The following ITCH variants were observed in gnomAD, a reference collection of about 807,000 sequenced individuals.
ITCH encodes the protein itchy E3 ubiquitin protein ligase, also known as E3 ubiquitin-protein ligase Itchy homolog.
Under a neutral mutation model 126.8 loss-of-function variants are expected in ITCH, and 28 were observed. That is an observed-to-expected ratio of 0.22 (90% CI 0.16 to 0.30). ITCH has a LOEUF of 0.30. Among genes scored for constraint, ITCH ranks in the 10% least tolerant of loss-of-function variants. The pLI is 1.00. For synonymous variants in ITCH, 342 were observed against 340.0 expected (o/e 1.01, Z -0.06); for missense variants, 631 against 1,032.4 (o/e 0.61, Z 5.33).
At position 34,456,184 on chromosome 20, in the gene ITCH, GTATATATATA is replaced by G. The variant is rs1326551793; in HGVS notation, c.1211-1184_1211-1175del. Among the ~76,000 whole-genome samples, 184 of 47,222 alleles carry G rather than the reference GTATATATATA, an allele frequency of 3.9e-3. 3 individuals carry two copies. Among genetic ancestry groups the G allele is most frequent in the African/African-American group, 0.023 (176 of 7,720 alleles). 31.0% of individuals were successfully genotyped at this position (47,222 alleles called of 152,430 possible). ...TGTGTGTGTGTGTGTGTGTGTGTGT[GTATATATATA>G]TATATATATATATATATATATTTTT... On this transcript the variant is annotated intron_variant, in intron 12 of 24. Coordinates refer to ENST00000374864, the MANE Select transcript of ITCH (RefSeq NM_031483.7).
At chr20:34,487,645 A>G (rs913576546) in intron 20 of ITCH, among the ~76,000 whole-genome samples, 1 of 152,148 alleles carries the variant, frequency 6.6e-6, no homozygotes, top group Admixed American at 6.5e-5. Context: ...TGTACAATAT[A>G]AGAAGCTCAT....
At chr20:34,433,872 C>G (rs1195501742) in intron 7 of ITCH, among the ~76,000 whole-genome samples, 1 of 151,892 alleles carries the variant, frequency 6.6e-6, no homozygotes, top group Non-Finnish European at 1.5e-5. Context: ...GAAGGACTGA[C>G]AAGAGATAGT....
intron 7 of ITCH, among the ~76,000 whole-genome samples, chr20:34,429,427 CA>C (rs1392160253): frequency 6.6e-6 from 1 of 152,154 alleles, no homozygotes; most frequent in Non-Finnish European, 1.5e-5. Flanking sequence ...CCCTGCTTCT[CA>C]AACTTTAGAG....
chr20:34,417,073 C>T, intron 6 of ITCH: 2 of 607,602 alleles, frequency 3.3e-6, no homozygotes, highest in Non-Finnish European at 6.1e-6. Context: ...CCACACCTGG[C>T]TAATTTTAAT....
At chr20:34,374,635 AT>A (rs2037764522) in intron 2 of ITCH, among the ~76,000 whole-genome samples, 1 of 152,160 alleles carries the variant, frequency 6.6e-6, no homozygotes, top group Non-Finnish European at 1.5e-5. Flanking sequence ...CTGGATGAAC[AT>A]TTAGTAAGTA....
chr20:34,370,336 C>T (rs569049829), intron 2 of ITCH, among the ~76,000 whole-genome samples: 52 of 152,064 alleles, frequency 3.4e-4, no homozygotes, highest in African/African-American at 1.1e-3. Flanking sequence ...CCTATTAAAT[C>T]TTTAGAAAAG....
At chr20:34,377,396 A>G (rs1273959160) in intron 2 of ITCH, among the ~76,000 whole-genome samples, 2 of 151,808 alleles carry the variant, frequency 1.3e-5, no homozygotes, top group Admixed American at 6.6e-5. Flanking sequence ...CCACCAAAGT[A>G]GTGTAATTGC....
At chr20:34,485,806 C>G (rs1989064528) in intron 20 of ITCH, among the ~76,000 whole-genome samples, 1 of 152,178 alleles carries the variant, frequency 6.6e-6, no homozygotes, top group Non-Finnish European at 1.5e-5. Context: ...CCTCATCCTT[C>G]TGAGTAGCTG....
intron 7 of ITCH, among the ~76,000 whole-genome samples, chr20:34,431,717 A>G (rs186130875): frequency 6.6e-4 from 100 of 152,312 alleles, no homozygotes; most frequent in South Asian, 8.3e-4. Flanking sequence ...GCACTGTCAC[A>G]GAAATTAAGA....
At chr20:34,478,249 C>A (rs1303381422) in intron 17 of ITCH, among the ~76,000 whole-genome samples, 2 of 152,168 alleles carry the variant, frequency 1.3e-5, no homozygotes, top group African/African-American at 4.8e-5. Flanking sequence ...ACAGAAAACA[C>A]AAGGCCTTAT....
intron 7 of ITCH, among the ~76,000 whole-genome samples, chr20:34,437,168 A>G (rs984352387): frequency 2.0e-5 from 3 of 152,006 alleles, no homozygotes; most frequent in Admixed American, 6.6e-5. Context: ...GTGAGGAGAG[A>G]GAGATGTTAA....
chr20:34,416,258 C>T (rs1214404771), intron 6 of ITCH, among the ~76,000 whole-genome samples: 3 of 152,044 alleles, frequency 2.0e-5, no homozygotes, highest in Non-Finnish European at 4.4e-5. Flanking sequence ...ATTAGCTGGG[C>T]GTGGTGGCGC....
chr20:34,364,225 AT>A (rs1339133762), intron 1 of ITCH, among the ~76,000 whole-genome samples: 1 of 152,184 alleles, frequency 6.6e-6, no homozygotes, highest in Non-Finnish European at 1.5e-5. Context: ...GGAATTCATT[AT>A]CCCCAATAAC....
intron 1 of ITCH, among the ~76,000 whole-genome samples, chr20:34,367,281 G>A (rs1054227527): frequency 5.3e-5 from 8 of 152,112 alleles, no homozygotes; most frequent in South Asian, 2.1e-4. Flanking sequence ...GGGTTCAAGC[G>A]ATTCGTGTGC....
At position 34,477,654 on chromosome 20, in the gene ITCH, C is replaced by G. The variant is rs1056300361; in HGVS notation, c.1570-118C>G. ...TGTGGTTTTGACTAGACCATGAACA[C>G]CTTTCTGTGTCATGGGAGATTTCAG... On this transcript the variant is annotated intron_variant, in intron 16 of 24. Transcript: ENST00000374864. 2.5e-5 allele frequency: 21 copies of G among 836,902 alleles called. No individual in the cohort carries two copies. In the African/African-American group the frequency reaches 2.7e-4, roughly 11 times the overall value. 51.8% of individuals were successfully genotyped at this position (836,902 alleles called of 1,614,324 possible).
At chr20:34,421,445 G>A (rs1244996785) in intron 6 of ITCH, among the ~76,000 whole-genome samples, 1 of 152,088 alleles carries the variant, frequency 6.6e-6, no homozygotes, top group Non-Finnish European at 1.5e-5. Flanking sequence ...GTTTCTTGTG[G>A]GTAAAACATG....
At position 34,486,779 on chromosome 20, in the gene ITCH, C is replaced by T. The variant is rs368359028; in HGVS notation, c.2094-2487C>T. On this transcript the variant is annotated intron_variant, in intron 20 of 24. Coordinates refer to ENST00000374864, the MANE Select transcript of ITCH (RefSeq NM_031483.7). ...GTGGTGAAATCTTGCCTCACGGCAGCGTCCAATTCCAGAAGTTCAAGCGAT... is the reference window on the plus strand; with the variant it reads ...GTGGTGAAATCTTGCCTCACGGCAGTGTCCAATTCCAGAAGTTCAAGCGAT... Among the ~76,000 whole-genome samples, 118 of 146,462 alleles carry T rather than the reference C, an allele frequency of 8.1e-4. 1 individual carries two copies. In the South Asian group the frequency reaches 0.015, roughly 18 times the overall value.
chr20:34,507,736 A>G lies in ITCH; in HGVS notation c.2531A>G (p.Gln844Arg). ...CTGCCACCATACAAGAGCTATGAGC[A>G]ACTGAAGGAAAAGCTGTTGTTTGCC... ...LDLPPYKSYE[Q>R]LKEKLLFAIE... The change falls in exon 25 of 25, where the codon CAA becomes CGA. Residue 844 changes from glutamine to arginine, a missense_variant. By Grantham distance (43) the Gln-to-Arg change is conservative (BLOSUM62 1). Around this residue, in one of 4 missense-constraint regions of ITCH, gnomAD observed 390 missense variants for 731.6 expected, o/e 0.53. Coordinates refer to ENST00000374864, the MANE Select transcript of ITCH (RefSeq NM_031483.7). 1 of 1,614,018 alleles carries G rather than the reference A, an allele frequency of 6.2e-7. No homozygotes were observed. The highest frequency in any genetic ancestry group is 8.5e-7 in the Non-Finnish European group (1 of 1,179,900).
intron 13 of ITCH, among the ~76,000 whole-genome samples, chr20:34,459,407 G>A (rs2146363681): frequency 6.6e-6 from 1 of 152,242 alleles, no homozygotes; most frequent in Non-Finnish European, 1.5e-5. Context: ...CCTTACTGGA[G>A]ATTTGAGCTA....
Sources: allele counts gnomAD v4.1 joint callset (sites outside exome capture counted in the v4.1 genomes callset), GRCh38; gene constraint gnomAD v4.1.1; regional missense constraint gnomAD v4.1.1; transcripts MANE v1.5; gene names NCBI Gene and HGNC (gene_info 2026-07-23, HGNC 2026-07-21).